The following SAMD5 variants were observed in gnomAD, a reference collection of about 807,000 sequenced individuals.
SAMD5 encodes the protein sterile alpha motif domain containing 5, also known as sterile alpha motif domain-containing protein 5.
In SAMD5, 13 loss-of-function variants were observed where a neutral mutation model predicts 11.3. The observed-to-expected ratio is 1.15, with a 90% confidence interval of 0.75 to 1.83. The LOEUF (loss-of-function observed/expected upper bound fraction) is 1.83. Ranked by LOEUF, SAMD5 falls within the 40% of genes most tolerant of loss-of-function variation. SAMD5 has a pLI of 0.00. For missense variants in SAMD5, 255 were observed against 239.1 expected, an observed-to-expected ratio of 1.07 and a Z score of -0.44; for synonymous variants, 129 against 111.3, an observed-to-expected ratio of 1.16 and a Z score of -1.00.
chr6:147,808,324 G>A, the SAMD5 span, among the ~76,000 whole-genome samples: 1 of 152,172 alleles, frequency 6.6e-6, no homozygotes, highest in African/African-American at 2.4e-5. Context: ...TCAGCTTCTC[G>A]AGTAGCTAGG....
chr6:147,567,242 G>A lies in SAMD5; in HGVS notation c.*2786G>A, dbSNP rs1014627122. ...TGGGAGCTGAACCAGTAATTGTGGGGAAAACTGAATTTATAGCAACAAAGG... is the reference window on the plus strand; with the variant it reads ...TGGGAGCTGAACCAGTAATTGTGGGAAAAACTGAATTTATAGCAACAAAGG... On this transcript the variant is annotated 3_prime_UTR_variant, in exon 2 of 2. Coordinates refer to ENST00000367474, the MANE Select transcript of SAMD5 (RefSeq NM_001030060.3). The A allele has an allele frequency of 9.1e-6, 9 of 985,156 alleles. No individual in the cohort carries two copies. The African/African-American group carries it at 1.4e-4, about 15-fold the overall frequency. The allele number at this position is 985,156 out of a possible 1,614,324, so 61.0% of individuals were successfully genotyped here.
the SAMD5 span, among the ~76,000 whole-genome samples, chr6:147,760,884 A>T: frequency 6.6e-6 from 1 of 152,200 alleles, no homozygotes. Context: ...GTATAGATAC[A>T]TTTACCTTTC....
the SAMD5 span, among the ~76,000 whole-genome samples, chr6:147,758,421 C>CA: frequency 6.6e-6 from 1 of 152,170 alleles, no homozygotes; most frequent in Admixed American, 6.5e-5. Context: ...ATTTAAGGCA[C>CA]AAAAAGCAAC....
At chr6:147,816,301 A>AATATATATATATATATATAT in the SAMD5 span, among the ~76,000 whole-genome samples, 3 of 66,350 alleles carry the variant, frequency 4.5e-5, no homozygotes, top group African/African-American at 2.0e-4. Flanking sequence ...AAAAAAAAAA[A>AATATATATATATATATATAT]ATATATATAT....
chr6:147,616,924 A>G (rs895320779), intron 1 of SAMD5, among the ~76,000 whole-genome samples: 1 of 152,184 alleles, frequency 6.6e-6, no homozygotes, highest in African/African-American at 2.4e-5. Flanking sequence ...ATACATGAGG[A>G]CTGCAGGTCC....
At chr6:147,574,423 C>G (rs1402449452), downstream of SAMD5, among the ~76,000 whole-genome samples, 1 of 152,132 alleles carries the variant, frequency 6.6e-6, no homozygotes, top group South Asian at 2.1e-4. Flanking sequence ...TATTTATCTT[C>G]TGTAGGGACT....
At chr6:147,728,097 A>C (rs1791655518) in intron 1 of SAMD5, among the ~76,000 whole-genome samples, 1 of 152,316 alleles carries the variant, frequency 6.6e-6, no homozygotes, top group African/African-American at 2.4e-5. Context: ...TAGTAGGTCT[A>C]GTACTGAGTA....
At chr6:147,529,008 T>G (rs985799551) in intron 1 of SAMD5, among the ~76,000 whole-genome samples, 5 of 152,230 alleles carry the variant, frequency 3.3e-5, no homozygotes, top group Admixed American at 3.3e-4. Context: ...TGCCACTGTT[T>G]CCTTATAGAT....
At chr6:147,849,158 A>ATTT in the SAMD5 span, among the ~76,000 whole-genome samples, 44,582 of 140,504 alleles carry the variant, frequency 0.32, 8,069 homozygotes, top group African/African-American at 0.48. Context: ...CTATATGTGA[A>ATTT]TTTTTTTTTT....
chr6:147,562,806 AGC>A (rs1788974045), intron 1 of SAMD5, among the ~76,000 whole-genome samples: 1 of 151,792 alleles, frequency 6.6e-6, no homozygotes, highest in South Asian at 2.1e-4. Context: ...TGGGAGACAG[AGC>A]GAGACTCCGT....
chr6:147,717,495 C>G (rs1389511290), intron 1 of SAMD5, among the ~76,000 whole-genome samples: 1 of 152,160 alleles, frequency 6.6e-6, no homozygotes, highest in Non-Finnish European at 1.5e-5. Context: ...TTCTAACTGG[C>G]TCAATGGTTT....
At chr6:147,870,123 C>G in the SAMD5 span, among the ~76,000 whole-genome samples, 1 of 152,132 alleles carries the variant, frequency 6.6e-6, no homozygotes, top group Non-Finnish European at 1.5e-5. Flanking sequence ...TAATGAGCCA[C>G]CTTTCAAGGG....
chr6:147,599,746 C>T (rs80271710), intron 1 of SAMD5, among the ~76,000 whole-genome samples: 3,857 of 152,286 alleles, frequency 0.025, 171 homozygotes, highest in African/African-American at 0.088. Flanking sequence ...TTTTGCTTCA[C>T]TGCTTGGTAA....
the SAMD5 span, among the ~76,000 whole-genome samples, chr6:147,935,168 T>C: frequency 1.3e-5 from 2 of 152,168 alleles, no homozygotes; most frequent in East Asian, 3.8e-4. Flanking sequence ...TGTAGGTTTG[T>C]GTTGTCATCC....
chr6:147,812,656 G>C, the SAMD5 span, among the ~76,000 whole-genome samples: 1 of 152,054 alleles, frequency 6.6e-6, no homozygotes, highest in East Asian at 1.9e-4. Flanking sequence ...GTTGCAGCTC[G>C]CTTCTCTGGA....
At chr6:147,691,003 G>A (rs2128457051) in intron 1 of SAMD5, among the ~76,000 whole-genome samples, 1 of 145,160 alleles carries the variant, frequency 6.9e-6, no homozygotes, top group South Asian at 2.2e-4. Context: ...TCGGGGGTGT[G>A]GGGGTGGTGG....
At chr6:147,617,419 T>A (rs1028207162) in intron 1 of SAMD5, among the ~76,000 whole-genome samples, 1 of 152,236 alleles carries the variant, frequency 6.6e-6, no homozygotes, top group Non-Finnish European at 1.5e-5. Context: ...GCCTTTGGAA[T>A]TGTTTTGTGA....
At chr6:147,700,468 C>A (rs1460417575) in intron 1 of SAMD5, among the ~76,000 whole-genome samples, 2 of 152,184 alleles carry the variant, frequency 1.3e-5, no homozygotes, top group African/African-American at 2.4e-5. Flanking sequence ...TTTTTCCCCC[C>A]AGATATTCAG....
chr6:147,533,228 A>G (rs1788456420), intron 1 of SAMD5, among the ~76,000 whole-genome samples: 1 of 152,012 alleles, frequency 6.6e-6, no homozygotes, highest in Non-Finnish European at 1.5e-5. Context: ...CTTTAAAGCA[A>G]AAGAATGCAA....
Sources: gnomAD v4.1 joint callset for allele counts (sites outside exome capture counted in the v4.1 genomes callset) on GRCh38, gnomAD v4.1.1 for gene constraint, MANE v1.5 for transcripts, NCBI Gene and HGNC (gene_info 2026-07-23, HGNC 2026-07-21) for gene names.